Variants in ARHGEF38 observed in about 807,000 individuals in gnomAD.
ARHGEF38 encodes the protein Rho guanine nucleotide exchange factor (GEF) 38.
A neutral mutation model predicts 79.9 loss-of-function variants in ARHGEF38; 79 were observed. The observed-to-expected ratio is 0.99, with a 90% CI of 0.82 to 1.19. The LOEUF (loss-of-function observed/expected upper bound fraction) is 1.19. ARHGEF38 is among the 50% of genes most tolerant of loss of function. The pLI is 0.00. For missense variants in ARHGEF38, 962 were observed against 907.2 expected (o/e 1.06, Z -0.78); for synonymous variants, 366 against 328.3 (o/e 1.11, Z -1.24).
chr4:105,579,777 A>C (rs1268794098), intron 1 of ARHGEF38, among the ~76,000 whole-genome samples: 1 of 152,038 alleles, frequency 6.6e-6, no homozygotes, highest in African/African-American at 2.4e-5. Flanking sequence ...CCTCCTCCTC[A>C]ATTTTTTGGA....
At chr4:105,657,064 G>T (rs1300979409) in intron 9 of ARHGEF38, among the ~76,000 whole-genome samples, 1 of 152,100 alleles carries the variant, frequency 6.6e-6, no homozygotes, top group African/African-American at 2.4e-5. Context: ...TAGATAGATA[G>T]ATAGATAGAT....
chr4:105,669,554 T>C (rs1730889342), intron 13 of ARHGEF38, among the ~76,000 whole-genome samples: 1 of 152,160 alleles, frequency 6.6e-6, no homozygotes, highest in Non-Finnish European at 1.5e-5. Flanking sequence ...TATTGATTGC[T>C]GTCCAATTCA....
intron 13 of ARHGEF38, among the ~76,000 whole-genome samples, chr4:105,674,357 A>T (rs1731051361): frequency 6.6e-6 from 1 of 152,152 alleles, no homozygotes; most frequent in Admixed American, 6.6e-5. Context: ...ACAGAAGAAG[A>T]TTAGGTGATT....
chr4:105,667,489 C>T lies in ARHGEF38; in HGVS notation c.1934C>T (p.Pro645Leu), dbSNP rs1206119171. The change falls in exon 13 of 14, where the codon CCA becomes CTA. Residue 645 changes from proline to leucine, a missense_variant. Physicochemically the swap from Pro to Leu is moderately conservative, Grantham distance 98. Transcript: ENST00000420470. ...TCCTCCTTCCTAAAACCCTACAATCCAGCAAAAATGCAGAAAGTGGATGCT... is the reference window on the plus strand; with the variant it reads ...TCCTCCTTCCTAAAACCCTACAATCTAGCAAAAATGCAGAAAGTGGATGCT... The part of the protein sequence containing the change: ...VYSSFLKPYN[P>L]AKMQKVDAEN... 4 of 1,536,264 alleles carry T rather than the reference C, an allele frequency of 2.6e-6. No homozygotes were observed.
At chr4:105,554,102 C>T (rs908456835) in intron 1 of ARHGEF38, among the ~76,000 whole-genome samples, 9 of 151,726 alleles carry the variant, frequency 5.9e-5, no homozygotes, top group African/African-American at 2.2e-4. Context: ...CAATCTTATC[C>T]TCAAATACTT....
Position 105,679,071 on chromosome 4 carries a change from G to GC in ARHGEF38, c.*1139dup. ...ATACTCAGTCAAAACTCCATTTGTG[G>GC]CCCCCACTTCTTGATCTATTTCTGT... On this transcript the variant is annotated 3_prime_UTR_variant, in exon 14 of 14. Coordinates refer to ENST00000420470, the MANE Select transcript of ARHGEF38 (RefSeq NM_001242729.2). 2.1e-6 allele frequency: 1 copy of GC among 479,696 alleles called. No individual in the cohort carries two copies. The highest frequency in any genetic ancestry group is 3.3e-6 in the Non-Finnish European group (1 of 300,236). The allele number at this position is 479,696 out of a possible 1,614,324, so 29.7% of individuals were successfully genotyped here. A position where few individuals can be genotyped will look rare whatever the true frequency, so the allele number is the denominator to read the frequency against.
intron 5 of ARHGEF38, among the ~76,000 whole-genome samples, chr4:105,642,924 A>C (rs1729680895): frequency 6.6e-6 from 1 of 152,106 alleles, no homozygotes; most frequent in African/African-American, 2.4e-5. Context: ...CATGTAGATA[A>C]TATGATTTCC....
chr4:105,652,187 C>A (rs1454660161), intron 7 of ARHGEF38, among the ~76,000 whole-genome samples: 1 of 152,150 alleles, frequency 6.6e-6, no homozygotes, highest in Non-Finnish European at 1.5e-5. Flanking sequence ...CTCTGCCATA[C>A]CTCCTGAAGC....
Position 105,613,393 on chromosome 4 carries a change from C to G in ARHGEF38, c.394C>G (p.Leu132Val), listed in dbSNP as rs1465779906. 1 of 1,612,840 alleles carries G rather than the reference C, an allele frequency of 6.2e-7. No individual in the cohort carries two copies. The highest frequency in any genetic ancestry group is 1.1e-5 in the South Asian group (1 of 90,890). The change falls in exon 3 of 14, where the codon CTG becomes GTG. Residue 132 changes from leucine to valine, a missense_variant. Coordinates refer to ENST00000420470, the MANE Select transcript of ARHGEF38 (RefSeq NM_001242729.2). ...TTTTTTGTTTCTTCAGACTGATAGG[C>G]TGGATGTGGATAGCTTGTTTAGCAA... ...QPLRNKKTDR[L>V]DVDSLFSNIE...
chr4:105,578,595 G>T (rs534514351), intron 1 of ARHGEF38, among the ~76,000 whole-genome samples: 1 of 152,086 alleles, frequency 6.6e-6, no homozygotes, highest in Admixed American at 6.6e-5. Flanking sequence ...GGGAGCTCCC[G>T]TGTAAGGTAC....
chr4:105,618,355 C>A (rs534417562), intron 3 of ARHGEF38, among the ~76,000 whole-genome samples: 38 of 152,144 alleles, frequency 2.5e-4, no homozygotes, highest in Middle Eastern at 3.4e-3. Flanking sequence ...GAAAGAAGAA[C>A]GGCTGGGCAT....
At chr4:105,614,246 G>A (rs892182030) in intron 3 of ARHGEF38, among the ~76,000 whole-genome samples, 1 of 151,978 alleles carries the variant, frequency 6.6e-6, no homozygotes, top group Admixed American at 6.6e-5. Context: ...TAAAATTATC[G>A]TTTCTCTATT....
chr4:105,628,027 G>C (rs961403068), intron 3 of ARHGEF38, among the ~76,000 whole-genome samples: 28 of 129,662 alleles, frequency 2.2e-4, no homozygotes, highest in Non-Finnish European at 2.6e-4. Context: ...ACTTGGAAAA[G>C]AGTAAAAAAA....
chr4:105,592,192 T>A (rs1375000403), intron 2 of ARHGEF38, among the ~76,000 whole-genome samples: 3 of 152,134 alleles, frequency 2.0e-5, no homozygotes, highest in Non-Finnish European at 4.4e-5. Flanking sequence ...TTTTAGGTAA[T>A]TTCAATATTC....
At chr4:105,566,566 C>T (rs1409217384) in intron 1 of ARHGEF38, among the ~76,000 whole-genome samples, 1 of 152,034 alleles carries the variant, frequency 6.6e-6, no homozygotes, top group Non-Finnish European at 1.5e-5. Flanking sequence ...TTACAAATAA[C>T]CCAGTTATAC....
chr4:105,613,361 C>T (rs1728377575), intron 2 of ARHGEF38, 23 bp from the exon 3 acceptor site: 2 of 1,608,256 alleles, frequency 1.2e-6, no homozygotes, highest in Non-Finnish European at 1.7e-6. Flanking sequence ...TCTCCATCAG[C>T]TCAATGTTTT....
At chr4:105,553,169 C>G (rs73837981) in intron 1 of ARHGEF38, among the ~76,000 whole-genome samples, 1 of 151,894 alleles carries the variant, frequency 6.6e-6, no homozygotes, top group Admixed American at 6.6e-5. Context: ...GAGTCAATTC[C>G]GAATTACTCT....
chr4:105,681,466 CAT>C (rs35183345), downstream of ARHGEF38, among the ~76,000 whole-genome samples: 9,484 of 152,150 alleles, frequency 0.062, 406 homozygotes, highest in Non-Finnish European at 0.097. Flanking sequence ...ACAGGCTGTT[CAT>C]AGTCTTGTGA....
intron 13 of ARHGEF38, among the ~76,000 whole-genome samples, chr4:105,670,603 G>A (rs925854006): frequency 4.6e-5 from 7 of 151,880 alleles, no homozygotes; most frequent in Admixed American, 4.6e-4. Flanking sequence ...CTCTTAACTT[G>A]TCTGGACATT....
Sources: allele counts gnomAD v4.1 joint callset (sites outside exome capture counted in the v4.1 genomes callset), GRCh38; gene constraint gnomAD v4.1.1; transcripts MANE v1.5; gene names NCBI Gene and HGNC (gene_info 2026-07-23, HGNC 2026-07-21).